CHRM3: variants seen among roughly 807,000 people sequenced by gnomAD.
The protein encoded by CHRM3 is muscarinic acetylcholine receptor M3.
CHRM3 carries 11 observed loss-of-function variants against 41.8 expected under a neutral mutation model. The ratio of observed to expected loss-of-function variants is 0.26; its 90% CI spans 0.17 to 0.44. The LOEUF is 0.44. Among genes scored for constraint, CHRM3 ranks in the 20% least tolerant of loss-of-function variants. The pLI is 1.00. For synonymous variants in CHRM3, 297 were observed against 301.4 expected (o/e 0.99, Z 0.15); for missense variants, 571 against 745.4 (o/e 0.77, Z 2.72).
chr1:239,696,065 A>T (rs998742892), intron 5 of CHRM3, among the ~76,000 whole-genome samples: 1 of 152,214 alleles, frequency 6.6e-6, no homozygotes, highest in Non-Finnish European at 1.5e-5. Context: ...AGAACATGTA[A>T]GCCAGGGCTT....
intron 6 of CHRM3, among the ~76,000 whole-genome samples, chr1:239,873,912 C>T (rs571908078): frequency 3.3e-5 from 5 of 152,278 alleles, no homozygotes; most frequent in South Asian, 4.1e-4. Context: ...CTCCTCTCAT[C>T]GGAGTTTCTC....
chr1:239,606,164 AAT>A (rs1280067374), intron 3 of CHRM3: 1 of 152,160 alleles, frequency 6.6e-6, no homozygotes, highest in African/African-American at 2.4e-5. Context: ...TTTGTCTTAG[AAT>A]ATGTGTTATT....
intron 6 of CHRM3, among the ~76,000 whole-genome samples, chr1:239,845,758 T>C (rs1674210364): frequency 6.6e-6 from 1 of 152,200 alleles, no homozygotes; most frequent in African/African-American, 2.4e-5. Flanking sequence ...CATACCGAAT[T>C]ACAGCCTCTG....
At chr1:239,785,886 C>T (rs1668855083) in intron 5 of CHRM3, among the ~76,000 whole-genome samples, 1 of 152,042 alleles carries the variant, frequency 6.6e-6, no homozygotes, top group Non-Finnish European at 1.5e-5. Flanking sequence ...AAGGAAGGGA[C>T]CAGAATTATT....
intron 5 of CHRM3, among the ~76,000 whole-genome samples, chr1:239,706,129 T>A (rs533678134): frequency 6.7e-6 from 1 of 149,428 alleles, no homozygotes; most frequent in African/African-American, 2.4e-5. Context: ...ATTCATGATA[T>A]ACAACTAAAT....
chr1:239,574,489 C>T (rs2355227), intron 3 of CHRM3, among the ~76,000 whole-genome samples: 53,376 of 151,910 alleles, frequency 0.35, 10,942 homozygotes, highest in East Asian at 0.6. Flanking sequence ...ACCTTCATGT[C>T]TTTGATGGAA....
chr1:239,409,618 A>G lies in CHRM3; in HGVS notation c.-521+22391A>G, dbSNP rs1046987006. ...TTTGGGGCTATTTTACTAGGACCAC[A>G]TGGAAGTTTGTGATGAAGTAAAATT... On this transcript the variant is annotated intron_variant, in intron 1 of 6. Transcript: ENST00000676153. Among the ~76,000 whole-genome samples the G allele has an allele frequency of 3.3e-5, 5 of 152,190 alleles. No homozygotes were observed. In the East Asian group the frequency reaches 9.6e-4, roughly 29 times the overall value.
intron 1 of CHRM3, among the ~76,000 whole-genome samples, chr1:239,411,632 G>A (rs1312697980): frequency 4.1e-5 from 6 of 145,628 alleles, no homozygotes; most frequent in African/African-American, 7.6e-5. Flanking sequence ...GGCTGAGGCA[G>A]GACAATCGCT....
Position 239,877,031 on chromosome 1 carries a change from GAA to G in CHRM3, c.-19-30399_-19-30398del, listed in dbSNP as rs564690252. On this transcript the variant is annotated intron_variant, in intron 6 of 6. Transcript: ENST00000676153. ...AATGTCTGGAAAAATCTCTGAGTTA[GAA>G]AAGACTTACAGAAAATAAGCAAATT... Among the ~76,000 whole-genome samples the G allele has an allele frequency of 2.3e-4, 35 of 152,276 alleles. No individual in the cohort carries two copies. The South Asian group carries it at 7.3e-3, about 32-fold the overall frequency.
chr1:239,723,893 T>G (rs564430376), intron 5 of CHRM3, among the ~76,000 whole-genome samples: 15 of 151,960 alleles, frequency 9.9e-5, no homozygotes, highest in African/African-American at 3.6e-4. Context: ...TTCAACTGAG[T>G]GCCAGATTGA....
chr1:239,911,061 A>G lies in CHRM3; in HGVS notation c.*1837A>G, dbSNP rs1680338764. 6.0e-6 allele frequency: 1 copy of G among 167,098 alleles called. No individual in the cohort carries two copies. Among genetic ancestry groups the G allele is most frequent in the South Asian group, 2.1e-4 (1 of 4,834 alleles). The allele number at this position is 167,098 out of a possible 1,614,324, so 10.4% of individuals were successfully genotyped here. A position where few individuals can be genotyped will look rare whatever the true frequency, so the allele number is the denominator to read the frequency against. On this transcript the variant is annotated 3_prime_UTR_variant, in exon 7 of 7. Coordinates refer to ENST00000676153, the MANE Select transcript of CHRM3 (RefSeq NM_001375978.1). ...TAAGGTCCACTTGAGCAATGAATAG[A>G]GTATATTGGAGCTTTCCTGTGGCTA...
At chr1:239,498,051 A>T (rs906036119) in intron 2 of CHRM3, among the ~76,000 whole-genome samples, 1 of 152,220 alleles carries the variant, frequency 6.6e-6, no homozygotes. Flanking sequence ...CCCATGTATG[A>T]CAACTGAATA....
intron 6 of CHRM3, among the ~76,000 whole-genome samples, chr1:239,875,423 T>A (rs1044947725): frequency 6.6e-6 from 1 of 152,236 alleles, no homozygotes; most frequent in Non-Finnish European, 1.5e-5. Context: ...AAACTTTATG[T>A]GTATGGATAT....
At chr1:239,842,349 C>G (rs1480003043) in intron 6 of CHRM3, among the ~76,000 whole-genome samples, 1 of 152,110 alleles carries the variant, frequency 6.6e-6, no homozygotes, top group Non-Finnish European at 1.5e-5. Context: ...ATTCTCCTGC[C>G]TCAGCCTCCT....
rs6686671 is a variant in CHRM3, at chr1:239,392,541, G to A, written c.-521+5314G>A. On this transcript the variant is annotated intron_variant, in intron 1 of 6. Coordinates refer to ENST00000676153, the MANE Select transcript of CHRM3 (RefSeq NM_001375978.1). ...ACATCCTGGTTCAGGCAGGATATCC[G>A]CCGACTACTGCTGTTCAGATAAAAT... Among the ~76,000 whole-genome samples the A allele has an allele frequency of 4.4e-3, 669 of 152,248 alleles. 5 individuals carry two copies. The highest frequency in any genetic ancestry group is 0.016 in the African/African-American group (646 of 41,552).
At chr1:239,618,267 T>C (rs1273924834) in intron 3 of CHRM3, among the ~76,000 whole-genome samples, 1 of 131,010 alleles carries the variant, frequency 7.6e-6, no homozygotes, top group Non-Finnish European at 1.6e-5. Flanking sequence ...GGAGTACTTT[T>C]TTTTTCTTTC....
intron 3 of CHRM3, among the ~76,000 whole-genome samples, chr1:239,595,273 A>G (rs1664657373): frequency 6.6e-6 from 1 of 152,160 alleles, no homozygotes; most frequent in Non-Finnish European, 1.5e-5. Context: ...TTATATGCAA[A>G]TATTATACCA....
chr1:239,477,484 T>C (rs1425336386), intron 1 of CHRM3, among the ~76,000 whole-genome samples: 1 of 152,210 alleles, frequency 6.6e-6, no homozygotes, highest in Non-Finnish European at 1.5e-5. Context: ...TAAGAGTCCC[T>C]GGGCTGCTTT....
chr1:239,546,102 T>A (rs1659268870), intron 3 of CHRM3: 2 of 152,162 alleles, frequency 1.3e-5, no homozygotes, highest in Non-Finnish European at 2.9e-5. Flanking sequence ...AGCTTAAACT[T>A]TTTACCGAGT....
Sources: gnomAD v4.1 joint callset for allele counts (sites outside exome capture counted in the v4.1 genomes callset) on GRCh38, gnomAD v4.1.1 for gene constraint, MANE v1.5 for transcripts, NCBI Gene and HGNC (gene_info 2026-07-23, HGNC 2026-07-21) for gene names.